CNST: variants seen among roughly 807,000 people sequenced by gnomAD.
The protein encoded by CNST is consortin.
A neutral mutation model predicts 72.4 loss-of-function variants in CNST; 39 were observed. The observed-to-expected ratio is 0.54, with a 90% CI of 0.42 to 0.70. The LOEUF is 0.70. Ranked by LOEUF, CNST falls within the 30% of genes least tolerant of loss-of-function variation. CNST has a pLI of 0.00. For missense variants in CNST, 871 were observed against 868.5 expected, an observed-to-expected ratio of 1.00 and a Z score of -0.04; for synonymous variants, 332 against 320.1, an observed-to-expected ratio of 1.04 and a Z score of -0.40.
intron 8 of CNST, among the ~76,000 whole-genome samples, chr1:246,643,203 C>A (rs1665835995): frequency 6.6e-6 from 1 of 152,100 alleles, no homozygotes; most frequent in Admixed American, 6.6e-5. Flanking sequence ...GCCTTTTACT[C>A]TTTACAAAGT....
chr1:246,643,847 G>C (rs73134607), intron 8 of CNST, among the ~76,000 whole-genome samples: 1 of 152,120 alleles, frequency 6.6e-6, no homozygotes, highest in Non-Finnish European at 1.5e-5. Context: ...AATTATGGTG[G>C]AGTTTTTTTC....
intron 1 of CNST, chr1:246,570,055 C>A (rs2102997564): frequency 3.2e-6 from 1 of 314,700 alleles, no homozygotes; most frequent in Non-Finnish European, 4.6e-6. Flanking sequence ...AGGGAAAGAT[C>A]AAATCTTTGA....
chr1:246,611,995 C>T (rs1419361375), intron 2 of CNST, among the ~76,000 whole-genome samples: 1 of 152,132 alleles, frequency 6.6e-6, no homozygotes, highest in Non-Finnish European at 1.5e-5. Flanking sequence ...AGAAACCAGA[C>T]ACAAAAGGAC....
intron 8 of CNST, 69 bp from the exon 9 acceptor site, chr1:246,647,070 T>A: frequency 7.4e-7 from 1 of 1,354,024 alleles, no homozygotes; most frequent in Non-Finnish European, 1.0e-6. Context: ...TATTCATATG[T>A]CCCTTCTTTT....
chr1:246,664,954 A>G (rs1296344798), intron 10 of CNST, among the ~76,000 whole-genome samples: 1 of 152,296 alleles, frequency 6.6e-6, no homozygotes, highest in South Asian at 2.1e-4. Context: ...AGAAAGATGC[A>G]AAAGAGATCC....
intron 1 of CNST, among the ~76,000 whole-genome samples, chr1:246,587,680 A>G (rs1014743329): frequency 6.6e-6 from 1 of 152,216 alleles, no homozygotes; most frequent in African/African-American, 2.4e-5. Flanking sequence ...GAGAAGAGAG[A>G]TGACTCTTTA....
chr1:246,617,036 G>A (rs1393607339), intron 2 of CNST, among the ~76,000 whole-genome samples: 2 of 152,014 alleles, frequency 1.3e-5, no homozygotes, highest in Non-Finnish European at 2.9e-5. Context: ...TCAACTCACA[G>A]CACATCAGTC....
chr1:246,646,573 C>T lies in CNST; in HGVS notation c.938-566C>T, dbSNP rs948918509. On this transcript the variant is annotated intron_variant, in intron 8 of 10. Coordinates refer to ENST00000366513, the MANE Select transcript of CNST (RefSeq NM_152609.3). ...TCAGGTAACCGCAGCCTCCGCCTCC[C>T]GGGTTCAAGCAATTCTCTTGCCTCA... Among the ~76,000 whole-genome samples the T allele has an allele frequency of 4.6e-5, 7 of 152,186 alleles. No individual in the cohort carries two copies. In the East Asian group the frequency reaches 7.8e-4, roughly 17 times the overall value.
At chr1:246,571,753 G>T (rs1019653695) in intron 1 of CNST, among the ~76,000 whole-genome samples, 5 of 152,208 alleles carry the variant, frequency 3.3e-5, no homozygotes, top group Non-Finnish European at 7.3e-5. Flanking sequence ...GGGCTCAAGT[G>T]ATCCTCCTGC....
At chr1:246,574,855 C>A (rs1351834539) in intron 1 of CNST, among the ~76,000 whole-genome samples, 1 of 151,892 alleles carries the variant, frequency 6.6e-6, no homozygotes, top group African/African-American at 2.4e-5. Context: ...TATAAGGATT[C>A]CTATGTAAAA....
intron 1 of CNST, among the ~76,000 whole-genome samples, chr1:246,583,446 G>A (rs1315434997): frequency 6.6e-6 from 1 of 152,202 alleles, no homozygotes; most frequent in African/African-American, 2.4e-5. Flanking sequence ...TGTTAGGGCA[G>A]GGTTTATAGA....
Position 246,621,804 on chromosome 1 carries a change from G to A in CNST, c.585+170G>A, listed in dbSNP as rs1252512595. ...GAGCTCAGGAGTTCAAGACCAGCCTGGGCAACATGGCGAAACCCCATCTCT... is the reference window on the plus strand; with the variant it reads ...GAGCTCAGGAGTTCAAGACCAGCCTAGGCAACATGGCGAAACCCCATCTCT... On this transcript the variant is annotated intron_variant, in intron 3 of 10. Transcript: ENST00000366513. Among the ~76,000 whole-genome samples the A allele has an allele frequency of 2.6e-5, 4 of 152,120 alleles. 1 individual carries two copies. The highest frequency in any genetic ancestry group is 4.1e-4 in the South Asian group (2 of 4,826).
chr1:246,632,437 C>T, intron 4 of CNST: 1 of 207,108 alleles, frequency 4.8e-6, no homozygotes, highest in Non-Finnish European at 1.0e-5. Flanking sequence ...GTAAGGGACC[C>T]CCATTTTACG....
At chr1:246,594,642 A>G (rs553471050) in intron 2 of CNST, among the ~76,000 whole-genome samples, 2 of 152,168 alleles carry the variant, frequency 1.3e-5, no homozygotes, top group Non-Finnish European at 2.9e-5. Flanking sequence ...GGTGGCATGC[A>G]CCTGTAGTCC....
Position 246,642,051 on chromosome 1 carries a change from T to G in CNST, c.937+14T>G. 6.5e-7 allele frequency: 1 copy of G among 1,528,476 alleles called. No individual in the cohort carries two copies. The highest frequency in any genetic ancestry group is 9.0e-7 in the Non-Finnish European group (1 of 1,111,620). The allele number at this position is 1,528,476 out of a possible 1,614,324, so 94.7% of individuals were successfully genotyped here. On this transcript the variant is annotated intron_variant, in intron 8 of 10. Coordinates refer to ENST00000366513, the MANE Select transcript of CNST (RefSeq NM_152609.3). ...CCAAAGAGTCAGGTATGTTTTTAAC[T>G]TAAGCTATGGAGCAACGTAAAAGAT...
At chr1:246,636,069 A>G (rs577195722) in intron 6 of CNST, among the ~76,000 whole-genome samples, 2 of 152,338 alleles carry the variant, frequency 1.3e-5, no homozygotes, top group African/African-American at 2.4e-5. Context: ...CGCATAGTGC[A>G]CTTAGGCAGG....
chr1:246,658,278 CAG>C (rs1386407244), intron 9 of CNST, among the ~76,000 whole-genome samples: 1 of 151,844 alleles, frequency 6.6e-6, no homozygotes, highest in Non-Finnish European at 1.5e-5. Flanking sequence ...GTTTCCCTCT[CAG>C]TGTCAGCAAG....
At chr1:246,649,677 A>G (rs1370626301) in intron 9 of CNST, among the ~76,000 whole-genome samples, 1 of 151,930 alleles carries the variant, frequency 6.6e-6, no homozygotes, top group Non-Finnish European at 1.5e-5. Flanking sequence ...CTCTATTTCA[A>G]CATTTGACTA....
intron 3 of CNST, among the ~76,000 whole-genome samples, chr1:246,623,395 G>A (rs757976828): frequency 8.5e-5 from 13 of 152,070 alleles, no homozygotes; most frequent in Admixed American, 5.9e-4. Flanking sequence ...TAACAAAAAC[G>A]GATATGATGT....
Sources: allele counts gnomAD v4.1 joint callset (sites outside exome capture counted in the v4.1 genomes callset), GRCh38; gene constraint gnomAD v4.1.1; transcripts MANE v1.5; gene names NCBI Gene and HGNC (gene_info 2026-07-23, HGNC 2026-07-21).